The following KIAA2012 variants were observed in gnomAD, a reference collection of about 807,000 sequenced individuals.
The protein encoded by KIAA2012 is KIAA2012.
KIAA2012 carries 125 observed loss-of-function variants against 150.6 expected under a neutral mutation model. That is an observed-to-expected ratio of 0.83 (90% CI 0.72 to 0.96). The LOEUF (loss-of-function observed/expected upper bound fraction) is 0.96. KIAA2012 is among the 40% of genes least tolerant of loss of function. The pLI, the probability that KIAA2012 is intolerant of heterozygous loss-of-function variation, is 0.00. For synonymous variants in KIAA2012, 462 were observed against 504.7 expected (o/e 0.92, Z 1.13); for missense variants, 1,219 against 1,354.9 (o/e 0.90, Z 1.57).
chr2:202,173,064 T>C (rs1691925829), intron 15 of KIAA2012, among the ~76,000 whole-genome samples: 1 of 152,218 alleles, frequency 6.6e-6, no homozygotes, highest in African/African-American at 2.4e-5. Flanking sequence ...TAGGAAGTGG[T>C]GCACGCTTAA....
intron 12 of KIAA2012, among the ~76,000 whole-genome samples, chr2:202,127,258 T>G (rs1690816544): frequency 6.6e-6 from 1 of 152,206 alleles, no homozygotes; most frequent in African/African-American, 2.4e-5. Context: ...ATTCTACTAT[T>G]AAAATCTCAC....
chr2:202,198,774 T>C (rs1481526589), intron 22 of KIAA2012, among the ~76,000 whole-genome samples: 2 of 152,176 alleles, frequency 1.3e-5, no homozygotes, highest in African/African-American at 4.8e-5. Flanking sequence ...GTAAATACTT[T>C]TCCCCTTGAT....
In KIAA2012 at chr2:202,098,789, C is replaced by CGTGTGTGTGTGTGT. The variant is rs10536026; in HGVS notation, c.829-806_829-793dup. ...AGAAACACTTTCTAAACTCTAAGGCCGTGTGTGTGTGTGTGTGTGTGTGTG... is the reference window on the plus strand; with the variant it reads ...AGAAACACTTTCTAAACTCTAAGGCCGTGTGTGTGTGTGTGTGTGTGTGTGTGTGTGTGTGTGTG... On this transcript the variant is annotated intron_variant, in intron 5 of 23. Coordinates refer to ENST00000498697, the MANE Select transcript of KIAA2012 (RefSeq NM_001277372.4). Among the ~76,000 whole-genome samples the CGTGTGTGTGTGTGT allele has an allele frequency of 1.3e-3, 200 of 148,510 alleles. 1 individual carries two copies. The East Asian group carries it at 0.015, about 11-fold the overall frequency.
chr2:202,172,822 G>A, intron 15 of KIAA2012, among the ~76,000 whole-genome samples: 1 of 152,196 alleles, frequency 6.6e-6, no homozygotes. Context: ...TCTACAGCCT[G>A]GAAGATGGCA....
intron 15 of KIAA2012, among the ~76,000 whole-genome samples, chr2:202,169,143 A>G (rs1371790596): frequency 2.6e-5 from 4 of 152,244 alleles, no homozygotes; most frequent in Non-Finnish European, 5.9e-5. Context: ...AGTACCACCT[A>G]TAGCCCCATG....
intron 13 of KIAA2012, 35 bp downstream of exon 13, chr2:202,138,543 G>T: frequency 2.7e-6 from 4 of 1,478,966 alleles, no homozygotes; most frequent in Non-Finnish European, 3.7e-6. Flanking sequence ...ATGACACTAG[G>T]AGTCACAACT....
chr2:202,165,403 C>A, intron 15 of KIAA2012, 47 bp downstream of exon 15: 1 of 1,512,552 alleles, frequency 6.6e-7, no homozygotes, highest in South Asian at 1.2e-5. Context: ...CCATAACTGT[C>A]AGATGAACTT....
intron 3 of KIAA2012, 84 bp from the exon 4 acceptor site, chr2:202,092,946 T>C (rs1449236795): frequency 4.2e-6 from 5 of 1,202,552 alleles, no homozygotes; most frequent in East Asian, 2.6e-5. Context: ...AAGACTAGTG[T>C]AAGTGAGGAA....
chr2:202,135,189 G>C (rs1216182670), intron 12 of KIAA2012, among the ~76,000 whole-genome samples: 1 of 152,222 alleles, frequency 6.6e-6, no homozygotes, highest in Non-Finnish European at 1.5e-5. Context: ...GCCAAGGAAG[G>C]AATGTGTTTT....
chr2:202,094,568 G>A (rs1689815792), intron 4 of KIAA2012, among the ~76,000 whole-genome samples: 1 of 151,406 alleles, frequency 6.6e-6, no homozygotes, highest in Non-Finnish European at 1.5e-5. Flanking sequence ...CACCCAAGCT[G>A]AAGTGCAGCC....
At chr2:202,090,993 G>C in intron 3 of KIAA2012, 64 bp downstream of exon 3, 4 of 1,471,754 alleles carry the variant, frequency 2.7e-6, no homozygotes, top group Non-Finnish European at 3.6e-6. Context: ...TGGTGTGACA[G>C]TGTGTTTTCC....
At chr2:202,087,137 A>AGG (rs1476502482) in intron 2 of KIAA2012, among the ~76,000 whole-genome samples, 49 of 152,246 alleles carry the variant, frequency 3.2e-4, no homozygotes, top group Non-Finnish European at 6.0e-4. Flanking sequence ...ATGCTTTTGC[A>AGG]CTACAAGGAC....
At position 202,156,504 on chromosome 2, in the gene KIAA2012, G is replaced by T. The variant is rs112036274; in HGVS notation, c.2046+1694G>T. Among the ~76,000 whole-genome samples the T allele has an allele frequency of 4.1e-3, 622 of 152,270 alleles. 4 individuals carry two copies. Among genetic ancestry groups the T allele is most frequent in the Non-Finnish European group, 7.1e-3 (485 of 68,022 alleles). On this transcript the variant is annotated intron_variant, in intron 14 of 23. Coordinates refer to ENST00000498697, the MANE Select transcript of KIAA2012 (RefSeq NM_001277372.4). ...TACATCAGTAAACAAAACAGACCAA[G>T]ATCCCTACCCTGCTCCAGGATAGTA...
At chr2:202,128,655 A>C (rs931886745) in intron 12 of KIAA2012, among the ~76,000 whole-genome samples, 29 of 151,890 alleles carry the variant, frequency 1.9e-4, no homozygotes, top group Admixed American at 1.8e-3. Flanking sequence ...ACCTACTGTC[A>C]GTGCAGCATA....
intron 19 of KIAA2012, among the ~76,000 whole-genome samples, chr2:202,191,179 A>G (rs1692322134): frequency 6.6e-6 from 1 of 152,280 alleles, no homozygotes; most frequent in Middle Eastern, 3.4e-3. Context: ...TGGGAGGCTG[A>G]GGCAGGAGAA....
intron 14 of KIAA2012, among the ~76,000 whole-genome samples, chr2:202,157,563 G>T (rs984437705): frequency 2.0e-5 from 3 of 152,128 alleles, no homozygotes; most frequent in Non-Finnish European, 4.4e-5. Flanking sequence ...TCTGTGTCTG[G>T]CTTTGTTCTA....
At chr2:202,126,933 C>T (rs1690805464) in intron 12 of KIAA2012, among the ~76,000 whole-genome samples, 1 of 152,070 alleles carries the variant, frequency 6.6e-6, no homozygotes, top group Admixed American at 6.6e-5. Flanking sequence ...TTCCATCTGA[C>T]AATATATGAG....
intron 12 of KIAA2012, among the ~76,000 whole-genome samples, chr2:202,126,136 G>A (rs1226213346): frequency 1.3e-5 from 2 of 151,674 alleles, no homozygotes; most frequent in African/African-American, 4.8e-5. Flanking sequence ...TGTATTTTTA[G>A]TAGAGACGGG....
At chr2:202,121,301 C>T (rs1475657044) in intron 11 of KIAA2012, among the ~76,000 whole-genome samples, 2 of 152,240 alleles carry the variant, frequency 1.3e-5, no homozygotes, top group Non-Finnish European at 2.9e-5. Context: ...TCTTGTTTTA[C>T]ATCAGCTTAC....
Sources: allele counts gnomAD v4.1 joint callset (sites outside exome capture counted in the v4.1 genomes callset), GRCh38; gene constraint gnomAD v4.1.1; transcripts MANE v1.5; gene names NCBI Gene and HGNC (gene_info 2026-07-23, HGNC 2026-07-21).